Variants in PDZRN4 observed in about 807,000 individuals in gnomAD.
The protein encoded by PDZRN4 is PDZ domain-containing RING finger protein 4.
PDZRN4 carries 70 observed loss-of-function variants against 99.0 expected under a neutral mutation model. The observed-to-expected ratio is 0.71, with a 90% CI of 0.58 to 0.86. The LOEUF (loss-of-function observed/expected upper bound fraction) is 0.86, where lower values mean the gene tolerates loss of function less well. Among genes scored for constraint, PDZRN4 ranks in the 40% least tolerant of loss-of-function variants. PDZRN4 has a pLI of 0.00. For synonymous variants in PDZRN4, 551 were observed against 501.6 expected, an observed-to-expected ratio of 1.10 and a Z score of -1.32; for missense variants, 1,474 against 1,331.2, an observed-to-expected ratio of 1.11 and a Z score of -1.67.
chr12:41,528,466 A>G (rs1938607983), intron 5 of PDZRN4, among the ~76,000 whole-genome samples: 1 of 152,198 alleles, frequency 6.6e-6, no homozygotes, highest in African/African-American at 2.4e-5. Flanking sequence ...CCTAGAAAGG[A>G]AAGAGCCAAA....
At chr12:41,442,573 C>A (rs563048381) in intron 3 of PDZRN4, among the ~76,000 whole-genome samples, 1 of 152,136 alleles carries the variant, frequency 6.6e-6, no homozygotes, top group Non-Finnish European at 1.5e-5. Flanking sequence ...AATTAAACTA[C>A]CCCATCCACA....
At chr12:41,292,381 G>A (rs1383487962) in intron 3 of PDZRN4, among the ~76,000 whole-genome samples, 1 of 152,174 alleles carries the variant, frequency 6.6e-6, no homozygotes, top group African/African-American at 2.4e-5. Flanking sequence ...TGCAGGAAGT[G>A]CAGACCAAGA....
At chr12:41,398,546 GATATATTTAGCTGTAATA>G (rs1952266981) in intron 3 of PDZRN4, among the ~76,000 whole-genome samples, 1 of 152,152 alleles carries the variant, frequency 6.6e-6, no homozygotes, top group Non-Finnish European at 1.5e-5. Context: ...GATTCATGGT[GATATATTTAGCTGTAATA>G]ATTTGAATCA....
At chr12:41,511,508 G>A (rs777418489) in intron 5 of PDZRN4, among the ~76,000 whole-genome samples, 2 of 151,978 alleles carry the variant, frequency 1.3e-5, no homozygotes, top group Non-Finnish European at 2.9e-5. Context: ...GTTGCCAAAG[G>A]CTCCTTTCTG....
chr12:41,237,009 C>T (rs1951072322), intron 3 of PDZRN4, among the ~76,000 whole-genome samples: 1 of 151,896 alleles, frequency 6.6e-6, no homozygotes, highest in African/African-American at 2.4e-5. Context: ...AATGTTTACA[C>T]AGGAAACATT....
chr12:41,228,701 G>A (rs1421947586), intron 3 of PDZRN4, among the ~76,000 whole-genome samples: 6 of 152,018 alleles, frequency 3.9e-5, no homozygotes, highest in African/African-American at 1.4e-4. Flanking sequence ...GTATAAGCAT[G>A]AGTTTTCTTA....
chr12:41,530,067 T>C (rs374913547), intron 5 of PDZRN4, among the ~76,000 whole-genome samples: 2 of 152,228 alleles, frequency 1.3e-5, no homozygotes, highest in South Asian at 2.1e-4. Context: ...TATTTATCTA[T>C]TATACTTTTA....
intron 3 of PDZRN4, among the ~76,000 whole-genome samples, chr12:41,486,215 A>G (rs970357923): frequency 1.3e-5 from 2 of 152,086 alleles, no homozygotes; most frequent in African/African-American, 4.8e-5. Context: ...TAAATCTAAC[A>G]CTGAAAAAAA....
intron 3 of PDZRN4, among the ~76,000 whole-genome samples, chr12:41,396,206 G>T (rs2121130838): frequency 6.6e-6 from 1 of 152,144 alleles, no homozygotes; most frequent in Admixed American, 6.6e-5. Flanking sequence ...AACGTTTTCT[G>T]CCACTTCATA....
intron 3 of PDZRN4, among the ~76,000 whole-genome samples, chr12:41,408,838 A>T (rs1952369616): frequency 7.0e-6 from 1 of 142,926 alleles, no homozygotes; most frequent in African/African-American, 2.6e-5. Flanking sequence ...ACTCTCTCGC[A>T]CTCTCTTGCT....
chr12:41,191,730 A>G (rs965322669), intron 2 of PDZRN4, among the ~76,000 whole-genome samples, 186 bp downstream of exon 2: 1 of 152,044 alleles, frequency 6.6e-6, no homozygotes, highest in Non-Finnish European at 1.5e-5. Flanking sequence ...CAAATATTCC[A>G]GTACATACCC....
chr12:41,512,750 G>A (rs1169330963), intron 5 of PDZRN4, among the ~76,000 whole-genome samples: 5 of 152,074 alleles, frequency 3.3e-5, no homozygotes, highest in African/African-American at 4.8e-5. Flanking sequence ...GGACCTGGGC[G>A]GTGATAGCGG....
intron 5 of PDZRN4, among the ~76,000 whole-genome samples, chr12:41,534,432 C>CTCCCCCT (rs928760856): frequency 2.0e-5 from 3 of 152,094 alleles, no homozygotes; most frequent in East Asian, 1.9e-4. Context: ...TTTCCTGATG[C>CTCCCCCT]TCCCCCTTCC....
chr12:41,557,557 T>TGCGTGGCCTGGGCACATG (rs1261450890), intron 7 of PDZRN4, among the ~76,000 whole-genome samples: 1 of 152,180 alleles, frequency 6.6e-6, no homozygotes, highest in Non-Finnish European at 1.5e-5. Flanking sequence ...ACACTCTGCC[T>TGCGTGGCCTGGGCACATG]GCGTGGCCTG....
Position 41,572,452 on chromosome 12 carries a change from C to G in PDZRN4, c.1673C>G (p.Thr558Arg). The change falls in exon 10 of 10, where the codon ACA becomes AGA. Residue 558 changes from threonine (T) to arginine (R), a missense_variant. Physicochemically the swap from Thr to Arg is moderately conservative, Grantham distance 71. Coordinates refer to ENST00000402685, the MANE Select transcript of PDZRN4 (RefSeq NM_001164595.2). ...GAGAAGGACAGTGGAGTAGGACGTA[C>G]AGATGAAAGCTTGCGAAATGATGAG... The part of the protein sequence containing the change: ...NHEKDSGVGR[T>R]DESLRNDESS... 6.2e-7 allele frequency: 1 copy of G among 1,614,082 alleles called. No homozygotes were observed. Among genetic ancestry groups the G allele is most frequent in the Non-Finnish European group, 8.5e-7 (1 of 1,179,970 alleles).
intron 3 of PDZRN4, among the ~76,000 whole-genome samples, chr12:41,309,519 C>T (rs1377883477): frequency 1.3e-5 from 2 of 152,068 alleles, no homozygotes; most frequent in Non-Finnish European, 2.9e-5. Flanking sequence ...GCCCCACCTC[C>T]CAACATTGTT....
At chr12:41,433,114 C>G (rs1001386049) in intron 3 of PDZRN4, among the ~76,000 whole-genome samples, 12 of 152,188 alleles carry the variant, frequency 7.9e-5, no homozygotes, top group African/African-American at 2.9e-4. Context: ...CATTTTAATA[C>G]ATAAAGTTTA....
At chr12:41,246,750 T>A (rs912705519) in intron 3 of PDZRN4, among the ~76,000 whole-genome samples, 13 of 152,210 alleles carry the variant, frequency 8.5e-5, no homozygotes, top group Admixed American at 8.5e-4. Context: ...AGTTCAACTC[T>A]GTTATTCTTA....
intron 3 of PDZRN4, among the ~76,000 whole-genome samples, chr12:41,348,269 A>G (rs1224171890): frequency 6.6e-6 from 1 of 152,058 alleles, no homozygotes; most frequent in Admixed American, 6.6e-5. Flanking sequence ...GCACTTCTAA[A>G]AGTTTGGCTA....
Sources: allele counts gnomAD v4.1 joint callset (sites outside exome capture counted in the v4.1 genomes callset), GRCh38; gene constraint gnomAD v4.1.1; transcripts MANE v1.5; gene names NCBI Gene and HGNC (gene_info 2026-07-23, HGNC 2026-07-21).